SNTB1: variants seen among roughly 807,000 people sequenced by gnomAD.
SNTB1 encodes beta-1-syntrophin.
Under a neutral mutation model 48.9 loss-of-function variants are expected in SNTB1, and 36 were observed. The ratio of observed to expected loss-of-function variants is 0.74; its 90% CI spans 0.56 to 0.97. SNTB1 has a LOEUF of 0.97. Among genes scored for constraint, SNTB1 ranks in the 50% least tolerant of loss-of-function variants. The pLI, the probability that SNTB1 is intolerant of heterozygous loss-of-function variation, is 0.00. For missense variants in SNTB1, 786 were observed against 703.4 expected, an observed-to-expected ratio of 1.12 and a Z score of -1.33; for synonymous variants, 299 against 294.6, an observed-to-expected ratio of 1.01 and a Z score of -0.15.
At chr8:120,706,213 C>T (rs768318993) in intron 1 of SNTB1, among the ~76,000 whole-genome samples, 8 of 152,108 alleles carry the variant, frequency 5.3e-5, no homozygotes, top group Admixed American at 2.0e-4. Flanking sequence ...TGTCTCTTTT[C>T]GGACTCTCAG....
In SNTB1 at chr8:120,628,839, C is replaced by T. The variant is rs115401443; in HGVS notation, c.996+3605G>A. Among the ~76,000 whole-genome samples the T allele has an allele frequency of 8.5e-3, 1,288 of 152,198 alleles. 24 individuals carry two copies. Among genetic ancestry groups the T allele is most frequent in the African/African-American group, 0.029 (1,200 of 41,520 alleles). ...ATGTGCATGACCCATCTACAGGTGA[C>T]AGTGCTCACAGAGGAAAGCAGATTG... On this transcript the variant is annotated intron_variant, in intron 3 of 6. Transcript: ENST00000517992.
intron 2 of SNTB1, among the ~76,000 whole-genome samples, chr8:120,657,505 G>C (rs934513721): frequency 2.0e-5 from 3 of 152,124 alleles, no homozygotes; most frequent in Non-Finnish European, 4.4e-5. Flanking sequence ...CTGTGGGCAT[G>C]GAAATGGGAA....
At chr8:120,670,802 C>A (rs891605989) in intron 2 of SNTB1, among the ~76,000 whole-genome samples, 2 of 152,172 alleles carry the variant, frequency 1.3e-5, no homozygotes, top group Non-Finnish European at 2.9e-5. Context: ...CTCCTAGCAG[C>A]TCTTCATCAT....
chr8:120,759,709 C>T (rs1407895703), intron 1 of SNTB1, among the ~76,000 whole-genome samples: 2 of 152,176 alleles, frequency 1.3e-5, no homozygotes, highest in South Asian at 4.1e-4. Flanking sequence ...CCAATGACTT[C>T]CTGTGGCCCA....
intron 1 of SNTB1, among the ~76,000 whole-genome samples, chr8:120,757,754 G>A (rs764304225): frequency 6.6e-6 from 1 of 152,140 alleles, no homozygotes; most frequent in African/African-American, 2.4e-5. Context: ...GACCACAGAG[G>A]TATAGACACT....
At chr8:120,729,513 G>A in intron 1 of SNTB1, among the ~76,000 whole-genome samples, 1 of 152,230 alleles carries the variant, frequency 6.6e-6, no homozygotes, top group Non-Finnish European at 1.5e-5. Context: ...TATTCTGGAA[G>A]AGACTGTCTG....
At chr8:120,635,540 C>T (rs1377117338) in intron 2 of SNTB1, 2 of 156,930 alleles carry the variant, frequency 1.3e-5, no homozygotes, top group African/African-American at 4.8e-5. Flanking sequence ...TTAAAGAACT[C>T]TACCTCCACC....
intron 2 of SNTB1, among the ~76,000 whole-genome samples, chr8:120,654,039 CAAAAAAAAAAAAAAAAAAAA>C (rs58873007): frequency 4.0e-5 from 1 of 25,160 alleles, no homozygotes; most frequent in Non-Finnish European, 6.7e-5. Flanking sequence ...GACTCTGCCT[CAAAAAAAAAAAAAAAAAAAA>C]AAAAAAAAAA....
intron 2 of SNTB1, among the ~76,000 whole-genome samples, chr8:120,671,740 T>C (rs971561969): frequency 7.9e-5 from 12 of 152,234 alleles, no homozygotes; most frequent in African/African-American, 2.9e-4. Context: ...CTAATATACC[T>C]GCCATTTGGA....
chr8:120,667,022 T>C (rs1310249147), intron 2 of SNTB1, among the ~76,000 whole-genome samples: 1 of 152,174 alleles, frequency 6.6e-6, no homozygotes, highest in Non-Finnish European at 1.5e-5. Flanking sequence ...TCAGTTTCAA[T>C]TGATCAGTTT....
At chr8:120,548,547 CT>C (rs994200242) in intron 5 of SNTB1, among the ~76,000 whole-genome samples, 3 of 152,140 alleles carry the variant, frequency 2.0e-5, no homozygotes, top group African/African-American at 7.2e-5. Flanking sequence ...ACCAACTTTT[CT>C]TGAATGAAGG....
intron 1 of SNTB1, among the ~76,000 whole-genome samples, chr8:120,767,529 T>C (rs367749839): frequency 2.0e-5 from 3 of 152,242 alleles, no homozygotes; most frequent in South Asian, 2.1e-4. Context: ...AAAAAGGTAG[T>C]AGAAGGATCT....
intron 1 of SNTB1, among the ~76,000 whole-genome samples, chr8:120,798,865 G>A (rs1010627820): frequency 1.2e-4 from 19 of 152,062 alleles, no homozygotes; most frequent in African/African-American, 4.3e-4. Flanking sequence ...TAAGGAATGT[G>A]ATTATGATGA....
Position 120,536,581 on chromosome 8 carries a change from A to T in SNTB1, c.*2296T>A, listed in dbSNP as rs1234661597. On this transcript the variant is annotated 3_prime_UTR_variant, in exon 7 of 7. Coordinates refer to ENST00000517992, the MANE Select transcript of SNTB1 (RefSeq NM_021021.4). ...TTAACTTGGGGGAAAAATGATTCAT[A>T]TACACAATTATCTTAGTCAAATTTT... The T allele has an allele frequency of 1.3e-5, 2 of 152,212 alleles. No individual in the cohort carries two copies. The highest frequency in any genetic ancestry group is 2.9e-5 in the Non-Finnish European group (2 of 68,028). The allele number at this position is 152,212 out of a possible 1,614,324, so 9.4% of individuals were successfully genotyped here.
intron 1 of SNTB1, among the ~76,000 whole-genome samples, chr8:120,698,702 G>C (rs7845391): frequency 0.49 from 73,808 of 152,014 alleles, 23,428 homozygotes; most frequent in African/African-American, 0.87. Flanking sequence ...AGACATAATT[G>C]TACTGCCAAG....
chr8:120,643,857 GT>G lies in SNTB1; in HGVS notation c.789-11207del, dbSNP rs761248636. ...AACCTCCATCCTGTTTTCCATAGTG[GT>G]TTTACTAGTTTACATTCCCACCAGC... On this transcript the variant is annotated intron_variant, in intron 2 of 6. Coordinates refer to ENST00000517992, the MANE Select transcript of SNTB1 (RefSeq NM_021021.4). Among the ~76,000 whole-genome samples, 76 of 152,240 alleles carry G rather than the reference GT, an allele frequency of 5.0e-4. 1 individual carries two copies. The highest frequency in any genetic ancestry group is 9.1e-4 in the Non-Finnish European group (62 of 68,010).
intron 2 of SNTB1, among the ~76,000 whole-genome samples, chr8:120,645,650 C>G (rs1242675799): frequency 7.7e-6 from 1 of 129,858 alleles, no homozygotes; most frequent in Non-Finnish European, 1.6e-5. Flanking sequence ...AATGCGGGCT[C>G]TTTTTTGGTT....
rs35337577 is a variant in SNTB1, at chr8:120,588,531, A to AT, written c.997-13307dup. On this transcript the variant is annotated intron_variant, in intron 3 of 6. Transcript: ENST00000517992. ...AAACCTGCCCCAACTGGGAATAGCC[A>AT]TTTTTTTTTTTTCCTCTGACTTCCT... Among the ~76,000 whole-genome samples the AT allele has an allele frequency of 2.1e-4, 32 of 150,918 alleles. No individual in the cohort carries two copies. In the South Asian group the frequency reaches 3.6e-3, roughly 17 times the overall value.
chr8:120,712,205 G>C (rs1818474881), intron 1 of SNTB1, among the ~76,000 whole-genome samples: 1 of 152,082 alleles, frequency 6.6e-6, no homozygotes, highest in South Asian at 2.1e-4. Context: ...ATGAGGTCAG[G>C]AGATCGAGAC....
Sources: gnomAD v4.1 joint callset for allele counts (sites outside exome capture counted in the v4.1 genomes callset) on GRCh38, gnomAD v4.1.1 for gene constraint, MANE v1.5 for transcripts, NCBI Gene and HGNC (gene_info 2026-07-23, HGNC 2026-07-21) for gene names.